The following FAT3 variants were observed in gnomAD, a reference collection of about 807,000 sequenced individuals.
The protein encoded by FAT3 is protocadherin Fat 3.
Under a neutral mutation model 310.2 loss-of-function variants are expected in FAT3, and 95 were observed. The observed-to-expected ratio is 0.31, with a 90% CI of 0.26 to 0.36. The LOEUF is 0.36. Among genes scored for constraint, FAT3 ranks in the 10% least tolerant of loss-of-function variants. The probability of loss-of-function intolerance (pLI) is 1.00; values close to 1 mark genes in which losing one functional copy is unlikely to be tolerated. For synonymous variants in FAT3, 2,314 were observed against 2,192.9 expected (o/e 1.06, Z -1.54); for missense variants, 5,408 against 5,715.6 (o/e 0.95, Z 1.74).
intron 3 of FAT3, among the ~76,000 whole-genome samples, chr11:92,671,801 GGAATGAAT>G (rs144815269): frequency 2.6e-5 from 4 of 152,024 alleles, no homozygotes; most frequent in Non-Finnish European, 5.9e-5. Flanking sequence ...AATAACTTCT[GGAATGAAT>G]GAATGAATGA....
In FAT3 at chr11:92,352,446, G is replaced by A. The variant is rs1948594406; in HGVS notation, c.334G>A (p.Gly112Ser). 6.2e-7 allele frequency: 1 copy of A among 1,612,438 alleles called. No individual in the cohort carries two copies. Among genetic ancestry groups the A allele is most frequent in the Non-Finnish European group, 8.5e-7 (1 of 1,179,504 alleles). ...FCFLRIRTKG[G>S]NSAILNREIQ... is the part of the protein sequence containing the mutation. ...TTTTCTCAGAATAAGAACTAAAGGT[G>A]GCAATTCTGCCATATTAAATAGGGA... The change falls in exon 2 of 28, where the codon GGC becomes AGC. Residue 112 changes from glycine (G) to serine (S), a missense_variant. Coordinates refer to ENST00000525166, the MANE Select transcript of FAT3 (RefSeq NM_001367949.2).
chr11:92,643,976 T>C (rs1007249754), intron 3 of FAT3, among the ~76,000 whole-genome samples: 4 of 152,252 alleles, frequency 2.6e-5, no homozygotes, highest in African/African-American at 9.6e-5. Flanking sequence ...CCTTCTAGAT[T>C]CTTTTCAGTG....
intron 2 of FAT3, among the ~76,000 whole-genome samples, chr11:92,486,556 A>G (rs1215712923): frequency 6.6e-6 from 1 of 152,126 alleles, no homozygotes; most frequent in Non-Finnish European, 1.5e-5. Context: ...ATTAAGTGCA[A>G]TTTTAAAAAA....
rs528562221 is a variant in FAT3, at chr11:92,424,385, G to T, written c.3292+68981G>T. ...GACTGGAGGAGAATGCTTCAGAATA[G>T]CTTGTCTGCCAAGGCTACAGTGGTT... is the stretch of plus-strand genomic sequence containing the variant. On this transcript the variant is annotated intron_variant, in intron 2 of 27. Coordinates refer to ENST00000525166, the MANE Select transcript of FAT3 (RefSeq NM_001367949.2). 1.8e-3 allele frequency among the ~76,000 whole-genome samples: 269 copies of T among 152,234 alleles called. 2 individuals carry two copies. The highest frequency in any genetic ancestry group is 6.3e-3 in the African/African-American group (262 of 41,550).
intron 2 of FAT3, among the ~76,000 whole-genome samples, chr11:92,435,973 T>C (rs1173707760): frequency 6.6e-6 from 1 of 152,184 alleles, no homozygotes; most frequent in African/African-American, 2.4e-5. Flanking sequence ...GCCAATTAGT[T>C]GTCACGTTAC....
intron 2 of FAT3, among the ~76,000 whole-genome samples, chr11:92,517,682 A>G (rs1451690303): frequency 2.0e-5 from 3 of 152,248 alleles, no homozygotes; most frequent in African/African-American, 7.2e-5. Context: ...CAGAGTGAAC[A>G]GGCAACCTAT....
intron 2 of FAT3, among the ~76,000 whole-genome samples, chr11:92,499,773 GAAAGAATAA>G (rs1406402243): frequency 6.8e-6 from 1 of 147,962 alleles, no homozygotes; most frequent in Non-Finnish European, 1.5e-5. Flanking sequence ...ACCATGATTA[GAAAGAATAA>G]ACCCTCAGAA....
intron 3 of FAT3, among the ~76,000 whole-genome samples, chr11:92,539,801 G>A (rs1188178777): frequency 6.6e-6 from 1 of 152,084 alleles, no homozygotes; most frequent in Non-Finnish European, 1.5e-5. Context: ...TTATATTTCT[G>A]GACCACTTTT....
intron 3 of FAT3, among the ~76,000 whole-genome samples, chr11:92,543,954 T>C (rs1954534404): frequency 6.6e-6 from 1 of 152,202 alleles, no homozygotes; most frequent in Admixed American, 6.5e-5. Flanking sequence ...ATTTCACTTT[T>C]ATTGATCACT....
intron 4 of FAT3, among the ~76,000 whole-genome samples, chr11:92,734,055 C>A (rs1945268529): frequency 6.6e-6 from 1 of 152,180 alleles, no homozygotes; most frequent in South Asian, 2.1e-4. Flanking sequence ...TAAATTGGCA[C>A]CTTTGGAAGT....
intron 2 of FAT3, among the ~76,000 whole-genome samples, chr11:92,410,575 G>T (rs1950234723): frequency 6.6e-6 from 1 of 152,010 alleles, no homozygotes; most frequent in South Asian, 2.1e-4. Context: ...CCATTAGGGG[G>T]TCCTTATTTT....
chr11:92,465,891 C>T (rs1403471574), intron 2 of FAT3, among the ~76,000 whole-genome samples: 1 of 150,768 alleles, frequency 6.6e-6, no homozygotes, highest in African/African-American at 2.4e-5. Context: ...ATTGGTGAAA[C>T]AGGGAAAAAA....
intron 3 of FAT3, among the ~76,000 whole-genome samples, chr11:92,686,793 A>ACACAT (rs1167274385): frequency 6.6e-6 from 1 of 152,214 alleles, no homozygotes; most frequent in Non-Finnish European, 1.5e-5. Context: ...CCTACAAAGC[A>ACACAT]CACATGCATT....
intron 4 of FAT3, among the ~76,000 whole-genome samples, chr11:92,760,959 T>C (rs954066755): frequency 6.6e-6 from 1 of 152,110 alleles, no homozygotes; most frequent in Non-Finnish European, 1.5e-5. Flanking sequence ...CAGAGAGAAA[T>C]AGAAAAATAT....
At chr11:92,466,714 T>C (rs1348710112) in intron 2 of FAT3, among the ~76,000 whole-genome samples, 19 of 143,786 alleles carry the variant, frequency 1.3e-4, no homozygotes, top group Non-Finnish European at 2.4e-4. Flanking sequence ...GTGTATCTCC[T>C]AATGCTATCC....
intron 3 of FAT3, among the ~76,000 whole-genome samples, chr11:92,567,379 G>A (rs548157343): frequency 6.6e-6 from 1 of 150,916 alleles, no homozygotes; most frequent in Admixed American, 6.6e-5. Context: ...TAAAAAGTCA[G>A]GAATCAACAG....
chr11:92,485,724 G>C (rs1952360910), intron 2 of FAT3, among the ~76,000 whole-genome samples: 1 of 152,088 alleles, frequency 6.6e-6, no homozygotes, highest in African/African-American at 2.4e-5. Context: ...AATTATATCA[G>C]CTGCTAGAAC....
At chr11:92,538,680 G>C (rs1187808971) in intron 3 of FAT3, among the ~76,000 whole-genome samples, 2 of 152,072 alleles carry the variant, frequency 1.3e-5, no homozygotes, top group Middle Eastern at 3.2e-3. Context: ...GGGTGTACAA[G>C]GATGAATAAA....
At chr11:92,301,301 G>C (rs759459335) in intron 1 of FAT3, among the ~76,000 whole-genome samples, 1 of 152,128 alleles carries the variant, frequency 6.6e-6, no homozygotes, top group Non-Finnish European at 1.5e-5. Flanking sequence ...GATAGGTGGC[G>C]AAAAAGAAAG....
Sources: allele counts gnomAD v4.1 joint callset (sites outside exome capture counted in the v4.1 genomes callset), GRCh38; gene constraint gnomAD v4.1.1; transcripts MANE v1.5; gene names NCBI Gene and HGNC (gene_info 2026-07-23, HGNC 2026-07-21).